FBXL2: variants seen among roughly 807,000 people sequenced by gnomAD.
The protein encoded by FBXL2 is F-box/LRR-repeat protein 2.
In FBXL2, 38 loss-of-function variants were observed where a neutral mutation model predicts 69.2. The observed-to-expected ratio is 0.55, with a 90% CI of 0.42 to 0.72. The LOEUF (loss-of-function observed/expected upper bound fraction) is 0.72, where lower values mean the gene tolerates loss of function less well. Ranked by LOEUF, FBXL2 falls within the 30% of genes least tolerant of loss-of-function variation. The pLI, the probability that FBXL2 is intolerant of heterozygous loss-of-function variation, is 0.00. For missense variants in FBXL2, 354 were observed against 520.3 expected, an observed-to-expected ratio of 0.68 and a Z score of 3.11; for synonymous variants, 192 against 201.3, an observed-to-expected ratio of 0.95 and a Z score of 0.39.
chr3:33,378,931 T>G, intron 13 of FBXL2, 190 bp downstream of exon 13: 1 of 1,130,062 alleles, frequency 8.8e-7, no homozygotes, highest in South Asian at 1.8e-5. Context: ...AATTTGCAAT[T>G]TTAAGATTCC....
At chr3:33,407,272 G>T (rs1265449271), downstream of FBXL2, among the ~76,000 whole-genome samples, 1 of 152,110 alleles carries the variant, frequency 6.6e-6, no homozygotes, top group Non-Finnish European at 1.5e-5. Context: ...GAATCATTAA[G>T]AATTTACCAA....
At chr3:33,418,860 CAAAA>C in the FBXL2 span, among the ~76,000 whole-genome samples, 2 of 76,766 alleles carry the variant, frequency 2.6e-5, no homozygotes, top group Non-Finnish European at 2.5e-5. Flanking sequence ...ACTCTGTCTC[CAAAA>C]AAAAAAAAAA....
chr3:33,299,114 T>G (rs1018424093), intron 2 of FBXL2, among the ~76,000 whole-genome samples: 1 of 151,930 alleles, frequency 6.6e-6, no homozygotes, highest in Non-Finnish European at 1.5e-5. Context: ...TGATCTCGGC[T>G]CACCGCATCT....
rs931636701 is a variant in FBXL2, at chr3:33,386,634, T to G, written c.*1026T>G. On this transcript the variant is annotated 3_prime_UTR_variant, in exon 15 of 15. Transcript: ENST00000484457. ...AACCATTGCAATGCTTTAAAAAAAATTAAGTCAGAGGGTTTTATTGCTATG... is the reference window on the plus strand; with the variant it reads ...AACCATTGCAATGCTTTAAAAAAAAGTAAGTCAGAGGGTTTTATTGCTATG... The G allele has an allele frequency of 6.6e-6, 1 of 152,148 alleles. No homozygotes were observed. The highest frequency in any genetic ancestry group is 1.5e-5 in the Non-Finnish European group (1 of 68,016). 9.4% of individuals were successfully genotyped at this position (152,148 alleles called of 1,614,324 possible).
rs113496759 is a variant in FBXL2, at chr3:33,395,574, G to A, written n.1215-7660G>A. Among the ~76,000 whole-genome samples, 1,054 of 151,864 alleles carry A rather than the reference G, an allele frequency of 6.9e-3. 13 individuals are homozygous for A. The highest frequency in any genetic ancestry group is 0.023 in the African/African-American group (960 of 41,366). On this transcript the variant is annotated intron_variant and non_coding_transcript_variant, in intron 12 of 12. Transcript: ENST00000463736. ...AGAAGCCCTCCCAAGATAACGTACT[G>A]GGTAGTATTATTTACAGTGACATAA...
chr3:33,317,717 T>TA, intron 2 of FBXL2: 1 of 307,570 alleles, frequency 3.3e-6, no homozygotes, highest in South Asian at 3.0e-5. Context: ...AGAAAGGTCT[T>TA]ACTTGCTCAT....
chr3:33,334,526 T>G (rs766033247), intron 2 of FBXL2, among the ~76,000 whole-genome samples: 11 of 152,068 alleles, frequency 7.2e-5, no homozygotes, highest in Non-Finnish European at 1.5e-4. Flanking sequence ...TAGAAAAAAT[T>G]AACACATCAT....
At chr3:33,308,177 C>T (rs996791389) in intron 2 of FBXL2, among the ~76,000 whole-genome samples, 4 of 152,100 alleles carry the variant, frequency 2.6e-5, no homozygotes, top group Admixed American at 6.6e-5. Flanking sequence ...CACCTGGCTT[C>T]TTGTAGCTTT....
chr3:33,416,875 G>C, the FBXL2 span: 1 of 1,485,514 alleles, frequency 6.7e-7, no homozygotes, highest in Middle Eastern at 1.7e-4. Flanking sequence ...TCCTTATAAA[G>C]AACATCACTT....
chr3:33,349,279 C>T (rs2040663652), intron 2 of FBXL2, among the ~76,000 whole-genome samples: 1 of 152,100 alleles, frequency 6.6e-6, no homozygotes, highest in African/African-American at 2.4e-5. Context: ...TATGTTCCTT[C>T]TATACCTAGT....
chr3:33,293,206 C>T (rs1262770193), intron 1 of FBXL2, among the ~76,000 whole-genome samples: 1 of 152,202 alleles, frequency 6.6e-6, no homozygotes, highest in Non-Finnish European at 1.5e-5. Context: ...GTCATCATAG[C>T]TACCATTTGT....
At chr3:33,419,625 T>A in the FBXL2 span, among the ~76,000 whole-genome samples, 2 of 122,908 alleles carry the variant, frequency 1.6e-5, no homozygotes, top group African/African-American at 3.7e-5. Flanking sequence ...GGAGACTCCA[T>A]CTCAAAAAAA....
intron 2 of FBXL2, among the ~76,000 whole-genome samples, chr3:33,344,007 CAATA>C (rs997997368): frequency 4.7e-5 from 7 of 150,242 alleles, no homozygotes; most frequent in African/African-American, 1.5e-4. Flanking sequence ...TCAAAAGAAT[CAATA>C]AATATGAGTA....
chr3:33,289,716 A>G (rs2035032404), intron 1 of FBXL2: 2 of 985,062 alleles, frequency 2.0e-6, no homozygotes, highest in South Asian at 4.7e-5. Flanking sequence ...AACTTTTCCC[A>G]TGGGCCTTCA....
At chr3:33,317,466 C>T (rs574560360) in intron 2 of FBXL2, 2 of 456,488 alleles carry the variant, frequency 4.4e-6, no homozygotes, top group Admixed American at 4.7e-5. Context: ...TGTCTCTCAC[C>T]CCATATTCAG....
chr3:33,356,166 A>C (rs1461291384), intron 2 of FBXL2, among the ~76,000 whole-genome samples: 1 of 152,186 alleles, frequency 6.6e-6, no homozygotes, highest in African/African-American at 2.4e-5. Flanking sequence ...TTTGTTCCAA[A>C]CAACATACTC....
chr3:33,282,040 C>A (rs2034071197), intron 1 of FBXL2, among the ~76,000 whole-genome samples: 1 of 152,142 alleles, frequency 6.6e-6, no homozygotes, highest in African/African-American at 2.4e-5. Context: ...TGCAGAAGCT[C>A]TTTAGTTTAA....
chr3:33,396,594 A>G (rs983917530), intron 12 of FBXL2: 1 of 403,024 alleles, frequency 2.5e-6, no homozygotes, highest in Non-Finnish European at 4.7e-6. Flanking sequence ...TTCTCACACC[A>G]CAAGTATAGA....
chr3:33,303,265 C>T (rs772934404), intron 2 of FBXL2: 2 of 435,958 alleles, frequency 4.6e-6, no homozygotes, highest in Admixed American at 2.5e-5. Flanking sequence ...TGCTCGCTCT[C>T]GTGGTTGTTT....
Sources: gnomAD v4.1 joint callset for allele counts (sites outside exome capture counted in the v4.1 genomes callset) on GRCh38, gnomAD v4.1.1 for gene constraint, MANE v1.5 for transcripts, NCBI Gene and HGNC (gene_info 2026-07-23, HGNC 2026-07-21) for gene names.